Variants in AHCYL2 observed in about 807,000 individuals in gnomAD.
AHCYL2 encodes the protein adenosylhomocysteinase like 2.
A neutral mutation model predicts 81.4 loss-of-function variants in AHCYL2; 28 were observed. The observed-to-expected ratio is 0.34, with a 90% CI of 0.25 to 0.47. The LOEUF is 0.47. Ranked by LOEUF, AHCYL2 falls within the 20% of genes least tolerant of loss-of-function variation. The probability of loss-of-function intolerance (pLI) is 1.00; values close to 1 mark genes in which losing one functional copy is unlikely to be tolerated. For missense variants in AHCYL2, 551 were observed against 785.1 expected (o/e 0.70, Z 3.56); for synonymous variants, 272 against 290.2 (o/e 0.94, Z 0.64).
At chr7:129,260,195 C>T (rs189648691) in intron 1 of AHCYL2, among the ~76,000 whole-genome samples, 76 of 152,000 alleles carry the variant, frequency 5.0e-4, no homozygotes, top group Admixed American at 3.6e-3. Context: ...AAGTTTCCTT[C>T]CTCCTACTTC....
At chr7:129,312,596 T>A (rs924937811) in intron 1 of AHCYL2, among the ~76,000 whole-genome samples, 4 of 152,182 alleles carry the variant, frequency 2.6e-5, no homozygotes, top group Non-Finnish European at 5.9e-5. Context: ...TTCAGATCTC[T>A]AGTTCTTAAT....
chr7:129,286,710 C>T (rs918610316), intron 1 of AHCYL2, among the ~76,000 whole-genome samples: 3 of 152,144 alleles, frequency 2.0e-5, no homozygotes, highest in Non-Finnish European at 4.4e-5. Context: ...ATCCACCTGC[C>T]TTGGCCTCCC....
intron 1 of AHCYL2, among the ~76,000 whole-genome samples, chr7:129,361,433 C>G (rs906100593): frequency 6.6e-6 from 1 of 152,182 alleles, no homozygotes. Flanking sequence ...AATTGCCTCT[C>G]TCCTTGTACT....
intron 1 of AHCYL2, among the ~76,000 whole-genome samples, chr7:129,350,648 G>T (rs1388206704): frequency 1.3e-5 from 2 of 151,236 alleles, no homozygotes; most frequent in Admixed American, 6.6e-5. Flanking sequence ...GCCTTCCAAA[G>T]TGCTGGGATT....
chr7:129,411,819 G>A (rs1341393306), intron 11 of AHCYL2, among the ~76,000 whole-genome samples: 1 of 151,596 alleles, frequency 6.6e-6, no homozygotes, highest in African/African-American at 2.4e-5. Context: ...CCATGTGATG[G>A]CATATATCAG....
At chr7:129,315,160 C>G (rs772137294) in intron 1 of AHCYL2, among the ~76,000 whole-genome samples, 12 of 152,148 alleles carry the variant, frequency 7.9e-5, no homozygotes, top group Non-Finnish European at 1.5e-4. Context: ...GACAGTCTTG[C>G]TTTTGTCCCT....
chr7:129,334,061 T>G (rs1254357062), intron 1 of AHCYL2, among the ~76,000 whole-genome samples: 2 of 152,004 alleles, frequency 1.3e-5, no homozygotes, highest in African/African-American at 4.8e-5. Flanking sequence ...TGTTGTTGGA[T>G]GTACCTCAGT....
chr7:129,237,968 C>T (rs1794699945), intron 1 of AHCYL2, among the ~76,000 whole-genome samples: 2 of 152,110 alleles, frequency 1.3e-5, no homozygotes, highest in Non-Finnish European at 2.9e-5. Context: ...GATCCACCTG[C>T]TTCGGCCTCC....
chr7:129,382,366 G>A (rs560536887), intron 2 of AHCYL2, among the ~76,000 whole-genome samples: 2 of 152,206 alleles, frequency 1.3e-5, no homozygotes, highest in South Asian at 4.1e-4. Flanking sequence ...TTGGGAGGCC[G>A]AGACAGGCAG....
intron 1 of AHCYL2, chr7:129,351,549 A>G (rs999822461): frequency 3.3e-5 from 5 of 152,236 alleles, no homozygotes; most frequent in East Asian, 1.9e-4. Flanking sequence ...TCAAAGGGAA[A>G]GGTGAAAAGG....
intron 1 of AHCYL2, among the ~76,000 whole-genome samples, chr7:129,257,737 G>A (rs902815494): frequency 6.6e-6 from 1 of 152,144 alleles, no homozygotes; most frequent in Non-Finnish European, 1.5e-5. Context: ...CCTTTCCCCA[G>A]TGATGGGTAA....
chr7:129,334,462 A>T (rs1206654456), intron 1 of AHCYL2, among the ~76,000 whole-genome samples: 1 of 152,204 alleles, frequency 6.6e-6, no homozygotes, highest in African/African-American at 2.4e-5. Context: ...ATTGTTAGAC[A>T]TGCAGATCTT....
At chr7:129,365,536 G>A (rs952203668) in intron 1 of AHCYL2, among the ~76,000 whole-genome samples, 2 of 151,310 alleles carry the variant, frequency 1.3e-5, no homozygotes, top group African/African-American at 2.4e-5. Context: ...ACCTAACTCT[G>A]TCTGATTCCA....
intron 1 of AHCYL2, among the ~76,000 whole-genome samples, chr7:129,309,021 C>CA (rs1797542368): frequency 4.0e-5 from 6 of 150,980 alleles, no homozygotes; most frequent in African/African-American, 1.5e-4. Flanking sequence ...CACCTGAAGT[C>CA]AGGAGTTCGA....
At chr7:129,227,131 A>T (rs1794252994) in intron 1 of AHCYL2, among the ~76,000 whole-genome samples, 1 of 152,232 alleles carries the variant, frequency 6.6e-6, no homozygotes, top group South Asian at 2.1e-4. Context: ...CTATAAAATG[A>T]AAGTACTAAT....
intron 12 of AHCYL2, among the ~76,000 whole-genome samples, chr7:129,418,282 T>C (rs773519272): frequency 6.6e-6 from 1 of 151,946 alleles, no homozygotes; most frequent in Non-Finnish European, 1.5e-5. Context: ...TAGGTTTTTA[T>C]TTATTTATTT....
At chr7:129,284,013 C>G (rs1188087930) in intron 1 of AHCYL2, among the ~76,000 whole-genome samples, 1 of 152,180 alleles carries the variant, frequency 6.6e-6, no homozygotes, top group East Asian at 1.9e-4. Flanking sequence ...AAAGAAAGCA[C>G]TGTCCTTTGC....
intron 1 of AHCYL2, among the ~76,000 whole-genome samples, chr7:129,290,382 T>A (rs1796796622): frequency 2.0e-5 from 3 of 151,584 alleles, no homozygotes; most frequent in Admixed American, 2.0e-4. Flanking sequence ...GTGCCTTTAG[T>A]CCCAGCTACT....
At chr7:129,386,555 GA>G (rs1178798310) in intron 2 of AHCYL2, among the ~76,000 whole-genome samples, 5 of 152,096 alleles carry the variant, frequency 3.3e-5, no homozygotes, top group African/African-American at 7.2e-5. Context: ...CTCCTGTTAA[GA>G]AAGTAAAACA....
Sources: gnomAD v4.1 joint callset for allele counts (sites outside exome capture counted in the v4.1 genomes callset) on GRCh38, gnomAD v4.1.1 for gene constraint, MANE v1.5 for transcripts, NCBI Gene and HGNC (gene_info 2026-07-23, HGNC 2026-07-21) for gene names.